Variants in EYS observed in about 807,000 individuals in gnomAD.
EYS encodes the protein EGF-like photoreceptor maintenance factor.
In EYS, 250 loss-of-function variants were observed where a neutral mutation model predicts 282.1. The ratio of observed to expected loss-of-function variants is 0.89; its 90% CI spans 0.80 to 0.98. The LOEUF (loss-of-function observed/expected upper bound fraction) is 0.98. Among genes scored for constraint, EYS ranks in the 50% least tolerant of loss-of-function variants. The pLI is 0.00. For synonymous variants in EYS, 1,355 were observed against 1,282.9 expected, an observed-to-expected ratio of 1.06 and a Z score of -1.20; for missense variants, 4,016 against 3,709.0, an observed-to-expected ratio of 1.08 and a Z score of -2.15.
At chr6:64,959,881 T>C (rs1242055939) in intron 14 of EYS, among the ~76,000 whole-genome samples, 2 of 151,098 alleles carry the variant, frequency 1.3e-5, no homozygotes, top group Non-Finnish European at 3.0e-5. Flanking sequence ...CAGGATTTTT[T>C]TTTTTTTTTT....
At chr6:65,489,799 A>C (rs1483207003) in intron 5 of EYS, 1 of 152,178 alleles carries the variant, frequency 6.6e-6, no homozygotes, top group African/African-American at 2.4e-5. Flanking sequence ...GCAGCCATAA[A>C]AAAAAAGGAT....
chr6:63,900,445 T>C (rs1000478162), intron 35 of EYS, among the ~76,000 whole-genome samples: 18 of 152,144 alleles, frequency 1.2e-4, no homozygotes, highest in African/African-American at 4.3e-4. Context: ...CATTCGGCTT[T>C]TTAAAAATAG....
chr6:65,159,768 G>A (rs544871184), intron 12 of EYS, among the ~76,000 whole-genome samples: 72 of 150,880 alleles, frequency 4.8e-4, no homozygotes, highest in African/African-American at 1.7e-3. Context: ...AGACAGAATT[G>A]TGTTTCTTTT....
chr6:63,814,951 A>G (rs1008275068), intron 36 of EYS, among the ~76,000 whole-genome samples: 1 of 152,194 alleles, frequency 6.6e-6, no homozygotes, highest in African/African-American at 2.4e-5. Flanking sequence ...TTACACACAC[A>G]GGATATTCTG....
intron 33 of EYS, among the ~76,000 whole-genome samples, chr6:64,062,280 G>C (rs1225417710): frequency 6.6e-6 from 1 of 152,142 alleles, no homozygotes; most frequent in Non-Finnish European, 1.5e-5. Context: ...CGTAAATCCA[G>C]GGACATCCAC....
At chr6:65,055,785 T>C (rs1773394655) in intron 13 of EYS, among the ~76,000 whole-genome samples, 1 of 152,092 alleles carries the variant, frequency 6.6e-6, no homozygotes, top group Non-Finnish European at 1.5e-5. Flanking sequence ...AAAGTGCCAT[T>C]CTCATCATTT....
At chr6:64,820,638 C>A (rs1412325318) in intron 21 of EYS, among the ~76,000 whole-genome samples, 2 of 152,104 alleles carry the variant, frequency 1.3e-5, no homozygotes, top group Non-Finnish European at 2.9e-5. Context: ...TGCATTATCT[C>A]ATTTAATTCT....
At chr6:65,573,242 CA>C (rs1764543248) in intron 2 of EYS, among the ~76,000 whole-genome samples, 2 of 151,936 alleles carry the variant, frequency 1.3e-5, no homozygotes, top group African/African-American at 4.8e-5. Context: ...CATGTTGAAG[CA>C]AAAATGGAAA....
chr6:64,113,906 T>C (rs77754443), intron 31 of EYS, among the ~76,000 whole-genome samples: 1,784 of 152,308 alleles, frequency 0.012, 45 homozygotes, highest in East Asian at 0.077. Context: ...TTTCAGTTTT[T>C]GTAAGTAAAA....
chr6:64,665,988 A>G (rs1171825529), intron 22 of EYS, among the ~76,000 whole-genome samples: 2 of 152,208 alleles, frequency 1.3e-5, no homozygotes, highest in Admixed American at 1.3e-4. Context: ...TAATGCAGGA[A>G]CAGAAAACCA....
chr6:64,833,666 T>C (rs967555724), intron 19 of EYS, among the ~76,000 whole-genome samples: 1 of 151,976 alleles, frequency 6.6e-6, no homozygotes, highest in Non-Finnish European at 1.5e-5. Context: ...TAGCTTGTAA[T>C]TTTTTGTATT....
intron 19 of EYS, among the ~76,000 whole-genome samples, chr6:64,855,137 C>A (rs540140411): frequency 6.6e-6 from 1 of 151,894 alleles, no homozygotes; most frequent in Admixed American, 6.6e-5. Context: ...AGCACTCTGT[C>A]TCTCCCCCAT....
chr6:64,943,588 G>A (rs1769173574), intron 15 of EYS, among the ~76,000 whole-genome samples: 1 of 151,766 alleles, frequency 6.6e-6, no homozygotes, highest in African/African-American at 2.4e-5. Flanking sequence ...ATTTACAATA[G>A]CACACACACC....
At chr6:65,115,986 T>C (rs1227309587) in intron 12 of EYS, among the ~76,000 whole-genome samples, 1 of 150,578 alleles carries the variant, frequency 6.6e-6, no homozygotes, top group Non-Finnish European at 1.5e-5. Context: ...TCTATCTATC[T>C]ATCTATCTAT....
chr6:65,601,015 A>G (rs1765599921), intron 2 of EYS, among the ~76,000 whole-genome samples: 2 of 151,960 alleles, frequency 1.3e-5, no homozygotes, highest in Non-Finnish European at 2.9e-5. Context: ...ACTATCATTT[A>G]TGTATCATGA....
chr6:64,262,092 T>A (rs777125080), intron 30 of EYS, among the ~76,000 whole-genome samples: 2 of 152,038 alleles, frequency 1.3e-5, no homozygotes, highest in Non-Finnish European at 2.9e-5. Context: ...CCCATTTAGA[T>A]GAGATAAAAT....
intron 22 of EYS, among the ~76,000 whole-genome samples, chr6:64,755,789 C>A (rs1651707352): frequency 6.6e-6 from 1 of 151,950 alleles, no homozygotes; most frequent in African/African-American, 2.4e-5. Context: ...GCCTAATGGG[C>A]ACAATATACA....
chr6:63,908,817 C>G (rs375739875), intron 35 of EYS, among the ~76,000 whole-genome samples: 2 of 152,094 alleles, frequency 1.3e-5, no homozygotes, highest in African/African-American at 4.8e-5. Flanking sequence ...ATCTAAATGG[C>G]TATAGCATCA....
At chr6:63,924,888 T>A (rs1171651551) in intron 35 of EYS, among the ~76,000 whole-genome samples, 3 of 152,180 alleles carry the variant, frequency 2.0e-5, no homozygotes, top group Non-Finnish European at 4.4e-5. Context: ...TTTGGGATCA[T>A]CACTATGTTT....
Sources: gnomAD v4.1 joint callset for allele counts (sites outside exome capture counted in the v4.1 genomes callset) on GRCh38, gnomAD v4.1.1 for gene constraint, MANE v1.5 for transcripts, NCBI Gene and HGNC (gene_info 2026-07-23, HGNC 2026-07-21) for gene names.